The following PPARGC1A variants were observed in gnomAD, a reference collection of about 807,000 sequenced individuals.
The protein encoded by PPARGC1A is peroxisome proliferator-activated receptor gamma coactivator 1-alpha.
PPARGC1A carries 25 observed loss-of-function variants against 88.7 expected under a neutral mutation model. That is an observed-to-expected ratio of 0.28 (90% CI 0.21 to 0.39). The LOEUF (loss-of-function observed/expected upper bound fraction) is 0.39, where lower values mean the gene tolerates loss of function less well. Ranked by LOEUF, PPARGC1A falls within the 10% of genes least tolerant of loss-of-function variation. The probability of loss-of-function intolerance (pLI) is 1.00; values close to 1 mark genes in which losing one functional copy is unlikely to be tolerated. For missense variants in PPARGC1A, 880 were observed against 968.7 expected, an observed-to-expected ratio of 0.91 and a Z score of 1.22; for synonymous variants, 363 against 355.6, an observed-to-expected ratio of 1.02 and a Z score of -0.24.
chr4:23,839,990 C>A, intron 2 of PPARGC1A, among the ~76,000 whole-genome samples: 1 of 151,998 alleles, frequency 6.6e-6, no homozygotes, highest in Non-Finnish European at 1.5e-5. Context: ...GGACACAGAG[C>A]CAAACCATAT....
chr4:24,176,827 A>G, the PPARGC1A span, among the ~76,000 whole-genome samples: 1 of 152,152 alleles, frequency 6.6e-6, no homozygotes, highest in Non-Finnish European at 1.5e-5. Context: ...ACCTCAAACC[A>G]CCAGCATGAC....
the PPARGC1A span, among the ~76,000 whole-genome samples, chr4:24,111,131 C>T: frequency 2.6e-5 from 4 of 152,132 alleles, no homozygotes; most frequent in Admixed American, 2.6e-4. Flanking sequence ...GCAAACGTTA[C>T]TTATTACAAT....
At chr4:23,805,312 G>T (rs1459852487) in intron 10 of PPARGC1A, among the ~76,000 whole-genome samples, 1 of 151,914 alleles carries the variant, frequency 6.6e-6, no homozygotes, top group African/African-American at 2.4e-5. Context: ...AGATTTAAGT[G>T]TAAGAAGTAG....
At chr4:24,074,178 A>AGCT in the PPARGC1A span, among the ~76,000 whole-genome samples, 1 of 152,144 alleles carries the variant, frequency 6.6e-6, no homozygotes, top group African/African-American at 2.4e-5. Context: ...TGAAAATGAG[A>AGCT]GCTTTTGCAG....
chr4:24,307,495 T>G, the PPARGC1A span, among the ~76,000 whole-genome samples: 1 of 152,206 alleles, frequency 6.6e-6, no homozygotes, highest in Admixed American at 6.5e-5. Context: ...TGTTGAGCAC[T>G]CTTGGGAATT....
intron 2 of PPARGC1A, among the ~76,000 whole-genome samples, chr4:23,863,331 A>T (rs1731576614): frequency 6.6e-6 from 1 of 152,110 alleles, no homozygotes; most frequent in Non-Finnish European, 1.5e-5. Context: ...GTGTCTAACA[A>T]ACCCCATATT....
the PPARGC1A span, among the ~76,000 whole-genome samples, chr4:24,137,113 CAAA>C: frequency 4.9e-5 from 4 of 82,058 alleles, no homozygotes; most frequent in Admixed American, 1.4e-4. Context: ...GACTCTGTCT[CAAA>C]AAAAAAAAAA....
chr4:23,921,645 G>A, the PPARGC1A span, among the ~76,000 whole-genome samples: 5 of 152,156 alleles, frequency 3.3e-5, no homozygotes, highest in Non-Finnish European at 7.3e-5. Flanking sequence ...CGAGACAAGC[G>A]CACTTTGTGT....
At chr4:23,950,094 A>T in the PPARGC1A span, among the ~76,000 whole-genome samples, 1 of 152,046 alleles carries the variant, frequency 6.6e-6, no homozygotes, top group African/African-American at 2.4e-5. Context: ...ATCTCAAAAC[A>T]CTTCATCGGC....
At chr4:24,374,794 A>G in the PPARGC1A span, among the ~76,000 whole-genome samples, 1 of 152,288 alleles carries the variant, frequency 6.6e-6, no homozygotes, top group East Asian at 1.9e-4. Context: ...TGATGATGCA[A>G]CTGTAAAAAT....
chr4:24,004,826 C>T, the PPARGC1A span, among the ~76,000 whole-genome samples: 2 of 152,276 alleles, frequency 1.3e-5, no homozygotes, highest in South Asian at 4.2e-4. Flanking sequence ...GGCTCTCCTC[C>T]TTGCTATTTG....
At chr4:24,252,930 T>C in the PPARGC1A span, among the ~76,000 whole-genome samples, 1 of 152,204 alleles carries the variant, frequency 6.6e-6, no homozygotes, top group South Asian at 2.1e-4. Flanking sequence ...AAATTTATAA[T>C]ATAGCCTCTA....
chr4:24,330,601 A>G, the PPARGC1A span, among the ~76,000 whole-genome samples: 1 of 152,142 alleles, frequency 6.6e-6, no homozygotes, highest in Non-Finnish European at 1.5e-5. Flanking sequence ...TAACCCCCAA[A>G]ATTGTAAGAG....
chr4:24,263,291 TAAAAC>T, the PPARGC1A span, among the ~76,000 whole-genome samples: 4 of 152,256 alleles, frequency 2.6e-5, no homozygotes, highest in Admixed American at 1.3e-4. Context: ...CCAATGGTGA[TAAAAC>T]AAAGCAGAAG....
chr4:24,171,833 T>C, the PPARGC1A span, among the ~76,000 whole-genome samples: 1 of 152,236 alleles, frequency 6.6e-6, no homozygotes, highest in Non-Finnish European at 1.5e-5. Context: ...GAAAACACAG[T>C]CACCTTACAT....
At chr4:23,815,702 C>T (rs1721854928) in intron 7 of PPARGC1A, among the ~76,000 whole-genome samples, 1 of 152,082 alleles carries the variant, frequency 6.6e-6, no homozygotes, top group African/African-American at 2.4e-5. Flanking sequence ...GCTCCAGAGT[C>T]CAAGGAACTT....
intron 10 of PPARGC1A, among the ~76,000 whole-genome samples, chr4:23,808,757 T>TACC (rs1480186857): frequency 2.6e-5 from 4 of 152,178 alleles, no homozygotes; most frequent in Non-Finnish European, 5.9e-5. Context: ...TACTAATTAT[T>TACC]AGTGTTCTCT....
chr4:23,814,635 A>AAG, intron 7 of PPARGC1A, 30 bp from the exon 8 acceptor site: 7 of 1,292,304 alleles, frequency 5.4e-6, no homozygotes, highest in South Asian at 4.7e-5. Context: ...AAAAAAAAAA[A>AAG]AGAGAGAGAA....
intron 2 of PPARGC1A, among the ~76,000 whole-genome samples, chr4:23,870,108 T>C (rs1050569479): frequency 3.3e-5 from 5 of 152,204 alleles, no homozygotes; most frequent in African/African-American, 1.2e-4. Flanking sequence ...ATAAACTCCA[T>C]TAAAATCTGT....
Sources: gnomAD v4.1 joint callset for allele counts (sites outside exome capture counted in the v4.1 genomes callset) on GRCh38, gnomAD v4.1.1 for gene constraint, MANE v1.5 for transcripts, NCBI Gene and HGNC (gene_info 2026-07-23, HGNC 2026-07-21) for gene names.